Variants in HADH observed in about 807,000 individuals in gnomAD.
HADH encodes the protein hydroxyacyl-coenzyme A dehydrogenase, mitochondrial.
In HADH, 24 loss-of-function variants were observed where a neutral mutation model predicts 32.2. The ratio of observed to expected loss-of-function variants is 0.75; its 90% confidence interval spans 0.54 to 1.05. The LOEUF (loss-of-function observed/expected upper bound fraction) is 1.05, where lower values mean the gene tolerates loss of function less well. Among genes scored for constraint, HADH ranks in the 50% least tolerant of loss-of-function variants. The pLI is 0.00. For synonymous variants in HADH, 139 were observed against 152.5 expected, an observed-to-expected ratio of 0.91 and a Z score of 0.65; for missense variants, 350 against 397.1, an observed-to-expected ratio of 0.88 and a Z score of 1.01.
intron 3 of HADH, among the ~76,000 whole-genome samples, chr4:108,016,610 C>T (rs765472291): frequency 1.2e-4 from 19 of 152,136 alleles, no homozygotes; most frequent in Non-Finnish European, 2.5e-4. Context: ...AAAGATTGGT[C>T]GCTCTTGGTG....
chr4:108,000,825 G>A (rs1025066938), intron 1 of HADH, among the ~76,000 whole-genome samples: 2 of 152,214 alleles, frequency 1.3e-5, no homozygotes, highest in Non-Finnish European at 2.9e-5. Flanking sequence ...CGTGTGGTGT[G>A]GCTGGGGAAG....
intron 1 of HADH, among the ~76,000 whole-genome samples, chr4:107,995,492 G>T (rs1259936865): frequency 6.6e-6 from 1 of 152,122 alleles, no homozygotes; most frequent in East Asian, 1.9e-4. Flanking sequence ...TTTGATATAG[G>T]GAGTTCCAGC....
intron 1 of HADH, among the ~76,000 whole-genome samples, chr4:107,990,828 C>T (rs1374165455): frequency 6.7e-6 from 1 of 148,342 alleles, no homozygotes; most frequent in Non-Finnish European, 1.5e-5. Flanking sequence ...CGGTTCACTG[C>T]AACCTCCGCC....
intron 1 of HADH, chr4:108,004,586 C>G: frequency 7.4e-7 from 1 of 1,344,824 alleles, no homozygotes; most frequent in African/African-American, 1.5e-5. Flanking sequence ...AATGAATAAT[C>G]CAAACTTGAA....
intron 1 of HADH, among the ~76,000 whole-genome samples, chr4:108,003,583 G>A (rs983064203): frequency 6.6e-6 from 1 of 152,100 alleles, no homozygotes; most frequent in African/African-American, 2.4e-5. Flanking sequence ...TGATTAAGGA[G>A]GATCCTTTTC....
chr4:108,019,211 C>T (rs1735798268), intron 3 of HADH, among the ~76,000 whole-genome samples: 1 of 152,134 alleles, frequency 6.6e-6, no homozygotes, highest in Admixed American at 6.5e-5. Context: ...AATTAGCCAC[C>T]TCTTGTTATC....
intron 7 of HADH, 49 bp from the exon 8 acceptor site, chr4:108,034,190 A>G (rs1448610609): frequency 2.4e-6 from 3 of 1,251,748 alleles, no homozygotes; most frequent in Non-Finnish European, 3.5e-6. Flanking sequence ...CCAAGATGTA[A>G]AAATAAACCC....
chr4:108,014,407 C>G, intron 2 of HADH, 24 bp from the exon 3 acceptor site: 1 of 1,613,968 alleles, frequency 6.2e-7, no homozygotes, highest in East Asian at 2.2e-5. Flanking sequence ...GGTGAATGTT[C>G]TCTTCTTCCT....
chr4:108,027,842 G>T, intron 6 of HADH, 82 bp downstream of exon 6: 2 of 839,564 alleles, frequency 2.4e-6, no homozygotes, highest in South Asian at 2.6e-5. Flanking sequence ...TCTAGGAGGG[G>T]TCGGGCCGTG....
chr4:108,028,188 A>T (rs769056219), intron 6 of HADH: 2 of 254,824 alleles, frequency 7.8e-6, no homozygotes, highest in Non-Finnish European at 1.5e-5. Context: ...GACAAGGCCG[A>T]TATGTGGTAA....
intron 7 of HADH, among the ~76,000 whole-genome samples, chr4:108,034,007 G>C (rs571621476): frequency 2.3e-4 from 35 of 152,366 alleles, no homozygotes; most frequent in African/African-American, 8.2e-4. Context: ...GAGGACCATA[G>C]TAGGGCCAGG....
chr4:108,026,461 G>A (rs1392363307), intron 5 of HADH: 1 of 152,186 alleles, frequency 6.6e-6, no homozygotes, highest in Non-Finnish European at 1.5e-5. Context: ...TGAGTCTATA[G>A]TGAACCTTTT....
intron 2 of HADH, among the ~76,000 whole-genome samples, chr4:108,011,327 A>G (rs1735487287): frequency 6.6e-6 from 1 of 152,200 alleles, no homozygotes; most frequent in Non-Finnish European, 1.5e-5. Context: ...TAATTGACTC[A>G]TAGCTCCACA....
intron 6 of HADH, chr4:108,030,891 A>G (rs1736239697): frequency 6.6e-6 from 1 of 152,184 alleles, no homozygotes; most frequent in South Asian, 2.1e-4. Flanking sequence ...GCTCTGCATT[A>G]TTGAGAACAC....
intron 1 of HADH, chr4:108,005,333 A>G (rs1455595083): frequency 4.4e-5 from 7 of 157,790 alleles, no homozygotes; most frequent in Non-Finnish European, 8.4e-5. Context: ...ATTTGTGCCA[A>G]GTGAAGCCAC....
chr4:108,027,849 C>T (rs145507123), intron 6 of HADH, 89 bp downstream of exon 6: 50 of 808,104 alleles, frequency 6.2e-5, no homozygotes, highest in Middle Eastern at 5.1e-4. Context: ...GGGGTCGGGC[C>T]GTGCACAATG....
chr4:108,001,533 A>G (rs953347205), intron 1 of HADH, among the ~76,000 whole-genome samples: 1 of 152,246 alleles, frequency 6.6e-6, no homozygotes, highest in African/African-American at 2.4e-5. Context: ...GACTTTAGCA[A>G]TTTAGTAGAC....
In HADH at chr4:108,009,980, T is replaced by TC. The variant is rs200966370; in HGVS notation, c.261+93_261+94insC. 6.5e-3 allele frequency: 5,540 copies of TC among 849,476 alleles called. 10 individuals are homozygous for TC. The highest frequency in any genetic ancestry group is 0.013 in the Middle Eastern group (54 of 4,058). The allele number at this position is 849,476 out of a possible 1,614,324, so 52.6% of individuals were successfully genotyped here. On this transcript the variant is annotated intron_variant, in intron 2 of 7. Transcript: ENST00000309522. ...GGATTTCTGGCTTTCTTTCTTTCTT[T>TC]TTTTTTTTTTTTTTCAGTTTGTTAG...
chr4:108,007,311 G>A (rs1735323661), intron 1 of HADH, among the ~76,000 whole-genome samples: 1 of 152,072 alleles, frequency 6.6e-6, no homozygotes, highest in South Asian at 2.1e-4. Context: ...GTTTCACCGT[G>A]TTAGCCAGGA....
Sources: gnomAD v4.1 joint callset for allele counts (sites outside exome capture counted in the v4.1 genomes callset) on GRCh38, gnomAD v4.1.1 for gene constraint, MANE v1.5 for transcripts, NCBI Gene and HGNC (gene_info 2026-07-23, HGNC 2026-07-21) for gene names.